The following UBE2H variants were observed in gnomAD, a reference collection of about 807,000 sequenced individuals.
UBE2H encodes ubiquitin conjugating enzyme E2 H.
A neutral mutation model predicts 29.0 loss-of-function variants in UBE2H; 3 were observed. The ratio of observed to expected loss-of-function variants is 0.10; its 90% CI spans 0.05 to 0.27. The LOEUF is 0.27. UBE2H is among the 10% of genes least tolerant of loss of function. UBE2H has a pLI of 1.00. For missense variants in UBE2H, 68 were observed against 228.2 expected (o/e 0.30, Z 4.52); for synonymous variants, 69 against 82.9 (o/e 0.83, Z 0.91).
At position 129,917,049 on chromosome 7, in the gene UBE2H, A is replaced by G. The variant is rs1457583560; in HGVS notation, c.53+35454T>C. 4.0e-5 allele frequency among the ~76,000 whole-genome samples: 6 copies of G among 151,788 alleles called. No individual in the cohort carries two copies. In the South Asian group the frequency reaches 1.3e-3, roughly 32 times the overall value. The stretch of plus-strand genomic sequence containing the variant: ...AAGATTCCGTCTCCAAAAAAAAAAA[A>G]AAAAACACAGCTGGGCATGGTGGCA... On this transcript the variant is annotated intron_variant, in intron 1 of 6. Coordinates refer to ENST00000355621, the MANE Select transcript of UBE2H (RefSeq NM_003344.4).
At position 129,897,794 on chromosome 7, in the gene UBE2H, T is replaced by G. The variant is rs549671743; in HGVS notation, c.54-16823A>C. On this transcript the variant is annotated intron_variant, in intron 1 of 6. Coordinates refer to ENST00000355621, the MANE Select transcript of UBE2H (RefSeq NM_003344.4). ...TGATAAAAACTTGTATAAACAGTGT[T>G]TAAAAAAATCAAAAAGTAATCTAAA... Among the ~76,000 whole-genome samples the G allele has an allele frequency of 2.6e-5, 4 of 152,300 alleles. No homozygotes were observed. The East Asian group carries it at 7.7e-4, about 29-fold the overall frequency.
At chr7:129,875,555 A>T (rs1410308286) in intron 3 of UBE2H, among the ~76,000 whole-genome samples, 1 of 152,266 alleles carries the variant, frequency 6.6e-6, no homozygotes, top group Non-Finnish European at 1.5e-5. Context: ...ACATAGTGGT[A>T]GACTGGCTGT....
At chr7:129,847,764 G>A (rs1281835697) in intron 5 of UBE2H, among the ~76,000 whole-genome samples, 2 of 152,194 alleles carry the variant, frequency 1.3e-5, no homozygotes, top group Non-Finnish European at 2.9e-5. Flanking sequence ...AACTTTACAT[G>A]TCTAAGATTA....
At chr7:129,854,060 G>GGTTTTTTTTTTTTTTTTTTTTTTTTTT (rs1554430936) in intron 5 of UBE2H, among the ~76,000 whole-genome samples, 1 of 100,312 alleles carries the variant, frequency 1.0e-5, no homozygotes, top group Non-Finnish European at 2.0e-5. Flanking sequence ...TTTAGTGTTA[G>GGTTTTTTTTTTTTTTTTTTTTTTTTTT]TTTTTTTTTT....
chr7:129,948,399 A>G, intron 1 of UBE2H, among the ~76,000 whole-genome samples: 1 of 152,206 alleles, frequency 6.6e-6, no homozygotes, highest in South Asian at 2.1e-4. Context: ...AAATTAACTC[A>G]GGCCGTTTTA....
At chr7:129,837,924 C>A (rs1004087628) in intron 6 of UBE2H, among the ~76,000 whole-genome samples, 1 of 152,140 alleles carries the variant, frequency 6.6e-6, no homozygotes, top group African/African-American at 2.4e-5. Context: ...GGGACTATAG[C>A]AGACATGTAC....
At chr7:129,882,718 C>T (rs1352216417) in intron 1 of UBE2H, among the ~76,000 whole-genome samples, 1 of 152,196 alleles carries the variant, frequency 6.6e-6, no homozygotes, top group Non-Finnish European at 1.5e-5. Flanking sequence ...TCTGACCAGT[C>T]ACCCTCTGAC....
intron 5 of UBE2H, among the ~76,000 whole-genome samples, chr7:129,842,245 A>G: frequency 6.6e-6 from 1 of 152,260 alleles, no homozygotes; most frequent in East Asian, 1.9e-4. Context: ...AGCCTGGCCA[A>G]CATGGCAAAA....
At chr7:129,849,847 TGA>T (rs1805577360) in intron 5 of UBE2H, among the ~76,000 whole-genome samples, 1 of 152,222 alleles carries the variant, frequency 6.6e-6, no homozygotes, top group South Asian at 2.1e-4. Flanking sequence ...ATTACTTGAC[TGA>T]GAGGGTCTCA....
chr7:129,952,446 T>A, intron 1 of UBE2H, 57 bp downstream of exon 1: 3 of 1,592,440 alleles, frequency 1.9e-6, no homozygotes, highest in Non-Finnish European at 2.6e-6. Context: ...GGGGGTGCCC[T>A]GGGCATCCCC....
chr7:129,839,297 A>G lies in UBE2H; in HGVS notation c.337T>C (p.Leu113=), dbSNP rs1805383500. 6.2e-7 allele frequency: 1 copy of G among 1,613,870 alleles called. No homozygotes were observed. The highest frequency in any genetic ancestry group is 1.7e-5 in the Admixed American group (1 of 59,950). ...NIFESFLPQL[L]AYPNPIDPLN... ...GGATCTATGGGGTTAGGATAGGCCA[A>G]TAACTGAGGCAGGAAGGACTCAAAT... The change falls in exon 6 of 7, where the codon TTG becomes CTG. Residue 113 remains leucine, a synonymous_variant. Coordinates refer to ENST00000355621, the MANE Select transcript of UBE2H (RefSeq NM_003344.4).
chr7:129,863,086 A>G (rs1157519192), intron 3 of UBE2H, among the ~76,000 whole-genome samples: 1 of 152,262 alleles, frequency 6.6e-6, no homozygotes. Context: ...TGAAAGACTA[A>G]GGTGCCTCCC....
intron 5 of UBE2H, among the ~76,000 whole-genome samples, chr7:129,852,883 G>A (rs1045998690): frequency 1.3e-5 from 2 of 152,024 alleles, no homozygotes; most frequent in African/African-American, 2.4e-5. Flanking sequence ...GCGCCACCAC[G>A]CCTGGCTAAT....
chr7:129,857,351 G>C, intron 5 of UBE2H, 160 bp downstream of exon 5: 1 of 671,144 alleles, frequency 1.5e-6, no homozygotes, highest in Non-Finnish European at 2.5e-6. Context: ...TTGTACTTAA[G>C]AGAAAACATT....
At chr7:129,844,642 A>G (rs1273569689) in intron 5 of UBE2H, among the ~76,000 whole-genome samples, 1 of 152,196 alleles carries the variant, frequency 6.6e-6, no homozygotes, top group East Asian at 1.9e-4. Flanking sequence ...CGCCTGTCTT[A>G]ACTTTTAAAG....
chr7:129,940,023 C>T (rs1807610091), intron 1 of UBE2H, among the ~76,000 whole-genome samples: 1 of 151,994 alleles, frequency 6.6e-6, no homozygotes, highest in African/African-American at 2.4e-5. Context: ...TATACTGGCA[C>T]CCTTTGGACA....
intron 1 of UBE2H, among the ~76,000 whole-genome samples, chr7:129,912,425 C>A (rs952524842): frequency 2.6e-5 from 4 of 152,008 alleles, no homozygotes; most frequent in Non-Finnish European, 5.9e-5. Flanking sequence ...TAATGCTGTC[C>A]AGGCTGGTCT....
chr7:129,836,390 G>A (rs1805325304), intron 6 of UBE2H, among the ~76,000 whole-genome samples: 1 of 152,194 alleles, frequency 6.6e-6, no homozygotes, highest in African/African-American at 2.4e-5. Context: ...TCACCAATGA[G>A]GAGGAGGAAA....
rs1460401985 is a variant in UBE2H, at chr7:129,938,791, G to GT, written c.53+13711dup. On this transcript the variant is annotated intron_variant, in intron 1 of 6. Coordinates refer to ENST00000355621, the MANE Select transcript of UBE2H (RefSeq NM_003344.4). ...CTTGTAGGCTTAGTTTGATGTTTTT[G>GT]TTTTTTTGTTTTTTTTGTTTTTTTT... 3.0e-4 allele frequency among the ~76,000 whole-genome samples: 45 copies of GT among 150,942 alleles called. 1 individual carries two copies. Among genetic ancestry groups the GT allele is most frequent in the Admixed American group, 1.5e-3 (22 of 15,168 alleles).
Sources: allele counts gnomAD v4.1 joint callset (sites outside exome capture counted in the v4.1 genomes callset), GRCh38; gene constraint gnomAD v4.1.1; transcripts MANE v1.5; gene names NCBI Gene and HGNC (gene_info 2026-07-23, HGNC 2026-07-21).